The following R3HCC1L variants were observed in gnomAD, a reference collection of about 807,000 sequenced individuals.
R3HCC1L encodes coiled-coil domain-containing protein R3HCC1L.
A neutral mutation model predicts 59.9 loss-of-function variants in R3HCC1L; 51 were observed. The ratio of observed to expected loss-of-function variants is 0.85; its 90% CI spans 0.68 to 1.07. R3HCC1L has a LOEUF of 1.07. R3HCC1L is among the 50% of genes least tolerant of loss of function. The pLI is 0.00. For synonymous variants in R3HCC1L, 322 were observed against 315.2 expected (o/e 1.02, Z -0.23); for missense variants, 965 against 933.0 (o/e 1.03, Z -0.45).
rs148480166 is a variant in R3HCC1L, at chr10:98,223,367, A to T, written c.1786-8145A>T. Among the ~76,000 whole-genome samples, 219 of 152,226 alleles carry T rather than the reference A, an allele frequency of 1.4e-3. 2 individuals are homozygous for T. Among genetic ancestry groups the T allele is most frequent in the African/African-American group, 5.2e-3 (216 of 41,522 alleles). The stretch of plus-strand genomic sequence containing the variant: ...TGATCAAGTGGGCTTCATCCCTGGG[A>T]TGCAAGATTTATTTTTCATTGGAAT... On this transcript the variant is annotated intron_variant, in intron 5 of 9. Coordinates refer to ENST00000298999, the MANE Select transcript of R3HCC1L (RefSeq NM_001351015.2).
chr10:98,228,565 T>G (rs1203559730), intron 5 of R3HCC1L, among the ~76,000 whole-genome samples: 6 of 152,256 alleles, frequency 3.9e-5, no homozygotes, highest in Non-Finnish European at 7.3e-5. Context: ...TTTCTTTTGC[T>G]GTGCAGAAGA....
At chr10:98,216,339 C>T (rs1280913750) in intron 5 of R3HCC1L, among the ~76,000 whole-genome samples, 1 of 151,974 alleles carries the variant, frequency 6.6e-6, no homozygotes, top group Non-Finnish European at 1.5e-5. Flanking sequence ...CATGGCAAAA[C>T]CTCATCTCTA....
chr10:98,169,619 A>G (rs1428243190), intron 4 of R3HCC1L, among the ~76,000 whole-genome samples: 2 of 152,204 alleles, frequency 1.3e-5, no homozygotes, highest in African/African-American at 4.8e-5. Context: ...TCATCGCGGC[A>G]GATTTTGAAA....
In R3HCC1L at chr10:98,234,481, C is replaced by G; in HGVS notation, c.1997C>G (p.Thr666Arg). The change falls in exon 7 of 10, where the codon ACA becomes AGA. Residue 666 changes from threonine to arginine, a missense_variant. Transcript: ENST00000298999. ...TTTGATATTAAATGGGTGGATGATA[C>G]ACATGCCCTAGGAGTATTCTCCAGT... ...KGFDIKWVDD[T>R]HALGVFSSPI... is the part of the protein sequence containing the mutation. 6.2e-7 allele frequency: 1 copy of G among 1,613,436 alleles called. No individual in the cohort carries two copies. Among genetic ancestry groups the G allele is most frequent in the Non-Finnish European group, 8.5e-7 (1 of 1,179,670 alleles).
At position 98,209,420 on chromosome 10, in the gene R3HCC1L, G is replaced by T. The variant is rs1398830600; in HGVS notation, c.1306G>T (p.Asp436Tyr). The T allele has an allele frequency of 1.2e-6, 2 of 1,613,640 alleles. No homozygotes were observed. Residue 436 changes from aspartate to tyrosine, a missense_variant, in exon 5 of 10, where the codon GAT becomes TAT. Coordinates refer to ENST00000298999, the MANE Select transcript of R3HCC1L (RefSeq NM_001351015.2). Reference protein sequence around the residue: ...HVARSGNDTEDFSNPSACSDI... With the variant: ...HVARSGNDTEYFSNPSACSDI... ...AGCTAGAAGTGGGAATGACACTGAA[G>T]ATTTCAGCAACCCTTCTGCTTGCTC...
intron 9 of R3HCC1L, among the ~76,000 whole-genome samples, chr10:98,242,174 G>A (rs1046545992): frequency 2.6e-5 from 4 of 152,094 alleles, no homozygotes; most frequent in Admixed American, 2.6e-4. Context: ...GCGAAACTCT[G>A]TCTCTACTAC....
intron 2 of R3HCC1L, among the ~76,000 whole-genome samples, chr10:98,162,225 T>C (rs1847495331): frequency 6.6e-6 from 1 of 152,240 alleles, no homozygotes; most frequent in Non-Finnish European, 1.5e-5. Flanking sequence ...ACATTAAAGT[T>C]ATTTAAAATT....
At position 98,235,484 on chromosome 10, in the gene R3HCC1L, A is replaced by C. The variant is rs759464155; in HGVS notation, c.2092A>C (p.Thr698Pro). Residue 698 changes from threonine to proline, a missense_variant, in exon 8 of 10, where the codon ACA becomes CCA. Transcript: ENST00000298999. ...MVKIRPLSQA[T>P]RAAKAKARAY... is the part of the protein sequence containing the mutation. ...GAAGATTCGTCCCTTGTCACAGGCC[A>C]CAAGAGCAGCCAAGGCCAAAGCTAG... 1.2e-6 allele frequency: 2 copies of C among 1,613,792 alleles called. No individual in the cohort carries two copies. The highest frequency in any genetic ancestry group is 2.2e-5 in the South Asian group (2 of 91,038).
At chr10:98,160,089 A>G (rs920117522) in intron 2 of R3HCC1L, among the ~76,000 whole-genome samples, 3 of 152,228 alleles carry the variant, frequency 2.0e-5, no homozygotes, top group Non-Finnish European at 4.4e-5. Context: ...TTTTCCAACA[A>G]TGAGAAACCT....
chr10:98,178,723 T>A (rs1182833741), intron 4 of R3HCC1L, among the ~76,000 whole-genome samples: 1 of 152,230 alleles, frequency 6.6e-6, no homozygotes, highest in East Asian at 1.9e-4. Flanking sequence ...CATTTGTTTG[T>A]GTCCTTTTAT....
chr10:98,221,321 T>C (rs1270523408), intron 5 of R3HCC1L, among the ~76,000 whole-genome samples: 14 of 150,374 alleles, frequency 9.3e-5, no homozygotes, highest in African/African-American at 2.2e-4. Flanking sequence ...TTCTCCCATT[T>C]TGTAGGTTGC....
chr10:98,135,559 A>G (rs1241642045), intron 1 of R3HCC1L, among the ~76,000 whole-genome samples: 1 of 152,164 alleles, frequency 6.6e-6, no homozygotes, highest in Non-Finnish European at 1.5e-5. Context: ...AACCAGGTTC[A>G]TGTCTATACG....
At chr10:98,222,007 A>G (rs1855046200) in intron 5 of R3HCC1L, among the ~76,000 whole-genome samples, 1 of 152,212 alleles carries the variant, frequency 6.6e-6, no homozygotes, top group East Asian at 1.9e-4. Flanking sequence ...CTTCCTACCC[A>G]TGAGCATGGA....
At chr10:98,186,187 T>C (rs1311507777) in intron 4 of R3HCC1L, among the ~76,000 whole-genome samples, 2 of 152,158 alleles carry the variant, frequency 1.3e-5, no homozygotes, top group African/African-American at 4.8e-5. Flanking sequence ...ATTGAGGCCG[T>C]GGAGGTAAGT....
chr10:98,137,274 T>C (rs951503822), intron 1 of R3HCC1L, among the ~76,000 whole-genome samples: 1 of 152,190 alleles, frequency 6.6e-6, no homozygotes, highest in African/African-American at 2.4e-5. Flanking sequence ...TCTCAACCTG[T>C]AGTTTTTGAT....
Position 98,199,781 on chromosome 10 carries a change from A to G in R3HCC1L, c.-14-8320A>G, listed in dbSNP as rs116423857. ...TATTCAGAAATGAAAACATTTTACT[A>G]TATGTATATCATTTTTCTATATGTT... On this transcript the variant is annotated intron_variant, in intron 4 of 9. Transcript: ENST00000298999. Among the ~76,000 whole-genome samples the G allele has an allele frequency of 1.3e-3, 204 of 152,148 alleles. 1 individual carries two copies. The highest frequency in any genetic ancestry group is 6.8e-3 in the Middle Eastern group (2 of 294).
chr10:98,146,765 C>G (rs1471955222), intron 1 of R3HCC1L, among the ~76,000 whole-genome samples: 1 of 152,202 alleles, frequency 6.6e-6, no homozygotes, highest in Non-Finnish European at 1.5e-5. Flanking sequence ...TAATATTCCA[C>G]TGTGTATATG....
intron 4 of R3HCC1L, among the ~76,000 whole-genome samples, chr10:98,171,082 A>T (rs1011278612): frequency 4.6e-5 from 7 of 152,170 alleles, no homozygotes; most frequent in Non-Finnish European, 7.3e-5. Flanking sequence ...CACAACACTT[A>T]ACCCTCATTG....
At chr10:98,189,712 G>A (rs1034689480) in intron 4 of R3HCC1L, among the ~76,000 whole-genome samples, 2 of 152,184 alleles carry the variant, frequency 1.3e-5, no homozygotes, top group African/African-American at 4.8e-5. Context: ...ACTAGTGCAA[G>A]TGCATTTACG....
Sources: allele counts gnomAD v4.1 joint callset (sites outside exome capture counted in the v4.1 genomes callset), GRCh38; gene constraint gnomAD v4.1.1; transcripts MANE v1.5; gene names NCBI Gene and HGNC (gene_info 2026-07-23, HGNC 2026-07-21).